TNNT3: variants seen among roughly 807,000 people sequenced by gnomAD.
The protein encoded by TNNT3 is troponin T, fast skeletal muscle.
TNNT3 carries 36 observed loss-of-function variants against 54.2 expected under a neutral mutation model. The observed-to-expected ratio is 0.66, with a 90% CI of 0.51 to 0.88. The LOEUF (loss-of-function observed/expected upper bound fraction) is 0.88, where lower values mean the gene tolerates loss of function less well. TNNT3 is among the 40% of genes least tolerant of loss of function. TNNT3 has a pLI of 0.00. For missense variants in TNNT3, 291 were observed against 331.6 expected, an observed-to-expected ratio of 0.88 and a Z score of 0.95; for synonymous variants, 120 against 109.7, an observed-to-expected ratio of 1.09 and a Z score of -0.59.
At chr11:1,936,244 C>T (rs1272883928) in intron 14 of TNNT3, 18 of 1,613,754 alleles carry the variant, frequency 1.1e-5, no homozygotes, top group South Asian at 1.1e-5. Context: ...AGTGCAGATG[C>T]TGGCCAAGTT....
At chr11:1,925,189 A>T in intron 5 of TNNT3, 73 bp downstream of exon 5, 1 of 1,458,810 alleles carries the variant, frequency 6.9e-7, no homozygotes, top group Non-Finnish European at 9.2e-7. Context: ...GTTGACCTCC[A>T]CCCCGCCTCT....
intron 8 of TNNT3, among the ~76,000 whole-genome samples, chr11:1,931,614 A>C (rs1853377127): frequency 6.6e-6 from 1 of 151,642 alleles, no homozygotes; most frequent in African/African-American, 2.4e-5. Flanking sequence ...CTCCTGGTGG[A>C]GGAATCTCTG....
chr11:1,926,799 C>T (rs1214552808), intron 6 of TNNT3, 90 bp downstream of exon 6: 61 of 1,550,198 alleles, frequency 3.9e-5, no homozygotes, highest in South Asian at 8.9e-5. Flanking sequence ...CCCCTTGTGA[C>T]GTTTGCCACC....
At chr11:1,931,956 C>T (rs947422252) in intron 8 of TNNT3, among the ~76,000 whole-genome samples, 15 of 152,180 alleles carry the variant, frequency 9.9e-5, no homozygotes, top group Admixed American at 3.9e-4. Context: ...CACACCCAGC[C>T]GGAGAGGGGG....
chr11:1,926,006 C>G (rs1301973386), intron 5 of TNNT3, among the ~76,000 whole-genome samples: 1 of 152,182 alleles, frequency 6.6e-6, no homozygotes, highest in Non-Finnish European at 1.5e-5. Context: ...ATGGCCCATC[C>G]ATGGCTCTGC....
At chr11:1,929,716 C>A in intron 7 of TNNT3, 94 bp from the exon 8 acceptor site, 1 of 1,416,142 alleles carries the variant, frequency 7.1e-7, no homozygotes, top group Non-Finnish European at 9.8e-7. Flanking sequence ...GAAGGGGAAC[C>A]CAGGGCCGCA....
intron 13 of TNNT3, 54 bp from the exon 14 acceptor site, chr11:1,934,775 T>C: frequency 6.2e-7 from 1 of 1,602,282 alleles, no homozygotes; most frequent in Non-Finnish European, 8.5e-7. Context: ...TCCAGGGGCC[T>C]GGCCCTGCCT....
At position 1,934,857 on chromosome 11, in the gene TNNT3, C is replaced by G. The variant is rs985064835; in HGVS notation, c.619C>G (p.Leu207Val). The G allele has an allele frequency of 7.4e-6, 12 of 1,613,542 alleles. No individual in the cohort carries two copies. Among genetic ancestry groups the G allele is most frequent in the Non-Finnish European group, 1.0e-5 (12 of 1,180,056 alleles). The change falls in exon 14 of 16, where the codon CTG (leucine) becomes GTG (valine). Residue 207 changes from leucine to valine, a missense_variant. Coordinates refer to ENST00000278317, the MANE Select transcript of TNNT3 (RefSeq NM_006757.4). ...CAAGGCCAAGGAGCTCTGGGAGACCCTGCACCAGCTGGAGATTGACAAGTT... is the reference window on the plus strand; with the variant it reads ...CAAGGCCAAGGAGCTCTGGGAGACCGTGCACCAGCTGGAGATTGACAAGTT... ...RDKAKELWET[L>V]HQLEIDKFEF...
intron 1 of TNNT3, among the ~76,000 whole-genome samples, chr11:1,921,140 C>T (rs1434909824): frequency 6.6e-6 from 1 of 152,188 alleles, no homozygotes; most frequent in South Asian, 2.1e-4. Flanking sequence ...CTGTCACACC[C>T]GCCTCACCCA....
rs374650563 is a variant in TNNT3, at chr11:1,922,867, C to T, written c.-8C>T. 46 of 1,613,396 alleles carry T rather than the reference C, an allele frequency of 2.9e-5. No individual in the cohort carries two copies. In the African/African-American group the frequency reaches 5.3e-4, roughly 19 times the overall value. ...AATCTCTCTCTGCAGAAACCACCCA[C>T]CTTCACCATGTCTGACGAGGAAGTG... On this transcript the variant is annotated 5_prime_UTR_variant, in exon 2 of 16. Coordinates refer to ENST00000278317, the MANE Select transcript of TNNT3 (RefSeq NM_006757.4).
intron 13 of TNNT3, 22 bp from the exon 14 acceptor site, chr11:1,934,807 C>T (rs749466949): frequency 3.1e-6 from 5 of 1,612,106 alleles, no homozygotes; most frequent in South Asian, 2.2e-5. Flanking sequence ...TCAACGAAGC[C>T]TCACCACTTC....
At chr11:1,931,161 C>G (rs1365209830) in intron 8 of TNNT3, among the ~76,000 whole-genome samples, 1 of 152,154 alleles carries the variant, frequency 6.6e-6, no homozygotes, top group Non-Finnish European at 1.5e-5. Context: ...ACATAATATT[C>G]CATCAATTGG....
chr11:1,921,935 G>A (rs1850199400), intron 1 of TNNT3, among the ~76,000 whole-genome samples: 1 of 152,190 alleles, frequency 6.6e-6, no homozygotes, highest in South Asian at 2.1e-4. Context: ...CTGGCCTGGC[G>A]CCACCACCGC....
chr11:1,933,667 A>C, intron 9 of TNNT3, 54 bp from the exon 10 acceptor site: 11 of 1,427,200 alleles, frequency 7.7e-6, no homozygotes, highest in Non-Finnish European at 9.9e-6. Flanking sequence ...CAGGCCAGGC[A>C]GGGCAGAGGT....
intron 15 of TNNT3, chr11:1,938,198 A>G: frequency 5.2e-6 from 3 of 573,736 alleles, no homozygotes; most frequent in Non-Finnish European, 9.5e-6. Context: ...AAAGGAGGAC[A>G]GAGGGAGGGT....
chr11:1,935,894 C>T (rs190622450), intron 14 of TNNT3, among the ~76,000 whole-genome samples: 4 of 152,232 alleles, frequency 2.6e-5, no homozygotes, highest in African/African-American at 9.6e-5. Context: ...AGCTCCCCTC[C>T]GACAGAGGCA....
At chr11:1,926,416 GA>G (rs1851599783) in intron 5 of TNNT3, 1 of 1,612,144 alleles carries the variant, frequency 6.2e-7, no homozygotes, top group Non-Finnish European at 8.5e-7. Flanking sequence ...CTTCTCCATT[GA>G]CCTCTGACCC....
chr11:1,928,860 G>C, intron 6 of TNNT3: 1 of 518,926 alleles, frequency 1.9e-6, no homozygotes, highest in Non-Finnish European at 3.5e-6. Flanking sequence ...CGAGGTCCCC[G>C]TGTCCCTCCT....
intron 8 of TNNT3, among the ~76,000 whole-genome samples, chr11:1,930,635 G>A (rs962745594): frequency 6.6e-6 from 1 of 152,184 alleles, no homozygotes; most frequent in African/African-American, 2.4e-5. Flanking sequence ...GTTGCTCTGT[G>A]CGAAGTGGAA....
Sources: allele counts gnomAD v4.1 joint callset (sites outside exome capture counted in the v4.1 genomes callset), GRCh38; gene constraint gnomAD v4.1.1; transcripts MANE v1.5; gene names NCBI Gene and HGNC (gene_info 2026-07-23, HGNC 2026-07-21).